CTNNA3: variants seen among roughly 807,000 people sequenced by gnomAD.
CTNNA3 encodes the protein catenin alpha 3.
A neutral mutation model predicts 95.7 loss-of-function variants in CTNNA3; 76 were observed. The observed-to-expected ratio is 0.79, with a 90% CI of 0.66 to 0.96. CTNNA3 has a LOEUF of 0.96. Ranked by LOEUF, CTNNA3 falls within the 40% of genes least tolerant of loss-of-function variation. The pLI is 0.00. For synonymous variants in CTNNA3, 431 were observed against 374.4 expected (o/e 1.15, Z -1.74); for missense variants, 1,191 against 1,089.8 (o/e 1.09, Z -1.31).
At chr10:66,502,746 C>T (rs1840319865) in intron 11 of CTNNA3, among the ~76,000 whole-genome samples, 1 of 151,992 alleles carries the variant, frequency 6.6e-6, no homozygotes, top group Non-Finnish European at 1.5e-5. Context: ...CTATAATGAT[C>T]ATACTTGTAC....
intron 7 of CTNNA3, among the ~76,000 whole-genome samples, chr10:66,834,211 G>T (rs139761634): frequency 9.5e-4 from 145 of 152,242 alleles, no homozygotes; most frequent in African/African-American, 3.3e-3. Flanking sequence ...ACAATTGTCA[G>T]GTTAGCTATT....
intron 7 of CTNNA3, among the ~76,000 whole-genome samples, chr10:66,808,597 C>A (rs1204146392): frequency 6.6e-6 from 1 of 152,134 alleles, no homozygotes; most frequent in East Asian, 1.9e-4. Flanking sequence ...TTCTGAAAAT[C>A]TCAAGTGAAA....
chr10:66,886,622 C>T (rs906726258), intron 7 of CTNNA3, among the ~76,000 whole-genome samples: 10 of 152,182 alleles, frequency 6.6e-5, no homozygotes, highest in African/African-American at 2.4e-4. Flanking sequence ...GTTCTGCCAA[C>T]ATCCTCAGCC....
intron 7 of CTNNA3, among the ~76,000 whole-genome samples, chr10:66,885,871 G>A (rs948694917): frequency 1.3e-5 from 2 of 152,100 alleles, no homozygotes; most frequent in African/African-American, 4.8e-5. Context: ...TTAAGAAAAT[G>A]AATTTATCAC....
At chr10:66,680,794 G>A (rs1259609288) in intron 9 of CTNNA3, among the ~76,000 whole-genome samples, 1 of 152,132 alleles carries the variant, frequency 6.6e-6, no homozygotes, top group Non-Finnish European at 1.5e-5. Flanking sequence ...TACGTAGCAT[G>A]AACAAAGCTA....
At chr10:66,268,859 C>T (rs1481874418) in intron 13 of CTNNA3, among the ~76,000 whole-genome samples, 1 of 152,124 alleles carries the variant, frequency 6.6e-6, no homozygotes, top group Non-Finnish European at 1.5e-5. Flanking sequence ...GACATGGAGG[C>T]CAGCTTATAC....
rs140871143 is a variant in CTNNA3 at position 66,007,026 on chromosome 10, C to T, written c.2160-18229G>A. Among the ~76,000 whole-genome samples the T allele has an allele frequency of 6.6e-5, 10 of 152,168 alleles. No homozygotes were observed. In the East Asian group the frequency reaches 1.9e-3, roughly 30 times the overall value. ...GCTGATCTTTGGCATGCCCCCCGCA[C>T]CCCCACCATTCTAGTCTAGTACAGC... On this transcript the variant is annotated intron_variant, in intron 15 of 17. Transcript: ENST00000433211.
In CTNNA3 at chr10:66,766,277, C is replaced by T. The variant is rs1261200629; in HGVS notation, c.1268G>A (p.Ser423Asn). Residue 423 changes from serine to asparagine, a missense_variant, in exon 9 of 18, where the codon AGC (serine) becomes AAC (asparagine). Transcript: ENST00000433211. Reference protein sequence around the residue: ...EYAAIFHEHTSRLVEVANLAC... With the variant: ...EYAAIFHEHTNRLVEVANLAC... ...TAGCATGCTTACCTCTACAAGCCTGCTGGTGTGTTCATGAAATATCGCAGC... is the reference window on the plus strand; with the variant it reads ...TAGCATGCTTACCTCTACAAGCCTGTTGGTGTGTTCATGAAATATCGCAGC... 1.2e-6 allele frequency: 2 copies of T among 1,613,782 alleles called. No homozygotes were observed. The highest frequency in any genetic ancestry group is 4.5e-5 in the East Asian group (2 of 44,844).
chr10:66,329,477 T>G (rs1335003815), intron 12 of CTNNA3, among the ~76,000 whole-genome samples: 1 of 151,804 alleles, frequency 6.6e-6, no homozygotes, highest in Admixed American at 6.6e-5. Flanking sequence ...CGCATAAAAT[T>G]AACTGTCACA....
chr10:67,315,923 A>G (rs1841030069), intron 5 of CTNNA3, among the ~76,000 whole-genome samples: 1 of 152,154 alleles, frequency 6.6e-6, no homozygotes, highest in South Asian at 2.1e-4. Context: ...TGTTCCTATG[A>G]CCATCACTAC....
At chr10:66,539,211 G>C (rs919577945) in intron 10 of CTNNA3, among the ~76,000 whole-genome samples, 2 of 152,110 alleles carry the variant, frequency 1.3e-5, no homozygotes, top group Non-Finnish European at 2.9e-5. Context: ...TTCCAAAGAG[G>C]CTTTATGTGG....
chr10:67,481,403 T>C (rs1057359402), intron 5 of CTNNA3, among the ~76,000 whole-genome samples: 2 of 152,170 alleles, frequency 1.3e-5, no homozygotes, highest in Non-Finnish European at 2.9e-5. Flanking sequence ...TAAAGGCTCC[T>C]GAAACAGATA....
chr10:66,629,339 C>T (rs147865017), intron 9 of CTNNA3, among the ~76,000 whole-genome samples: 61 of 152,146 alleles, frequency 4.0e-4, no homozygotes, highest in African/African-American at 1.3e-3. Flanking sequence ...AATACTCACT[C>T]TCTCATTCTC....
chr10:66,272,281 GT>G (rs1020185268), intron 13 of CTNNA3, among the ~76,000 whole-genome samples: 4 of 152,150 alleles, frequency 2.6e-5, no homozygotes, highest in Admixed American at 2.0e-4. Flanking sequence ...CATGAGTCCT[GT>G]GAGGTTGAAG....
chr10:65,941,044 C>A (rs1386756854), intron 17 of CTNNA3, among the ~76,000 whole-genome samples: 2 of 152,190 alleles, frequency 1.3e-5, no homozygotes, highest in Non-Finnish European at 2.9e-5. Flanking sequence ...CTTATCCTTT[C>A]CAAGACCACA....
intron 9 of CTNNA3, among the ~76,000 whole-genome samples, chr10:66,699,533 T>C (rs1394774580): frequency 1.3e-5 from 2 of 152,190 alleles, no homozygotes; most frequent in East Asian, 1.9e-4. Flanking sequence ...ATGTCTTGTT[T>C]AGAAAAATGT....
At chr10:66,829,854 T>TG (rs112492167) in intron 7 of CTNNA3, among the ~76,000 whole-genome samples, 6 of 148,366 alleles carry the variant, frequency 4.0e-5, no homozygotes, top group African/African-American at 1.5e-4. Flanking sequence ...CCCCAGGGGA[T>TG]TTGTTGTTGT....
intron 5 of CTNNA3, among the ~76,000 whole-genome samples, chr10:67,457,684 T>C (rs1816218247): frequency 6.6e-6 from 1 of 152,140 alleles, no homozygotes; most frequent in Non-Finnish European, 1.5e-5. Flanking sequence ...GCGTTCCTTC[T>C]GGAGGCTTTA....
intron 7 of CTNNA3, among the ~76,000 whole-genome samples, chr10:67,035,122 T>C (rs1313021125): frequency 6.6e-6 from 1 of 152,238 alleles, no homozygotes; most frequent in East Asian, 1.9e-4. Flanking sequence ...CTGTGCATAT[T>C]ACCTCTGCTA....
Sources: allele counts gnomAD v4.1 joint callset (sites outside exome capture counted in the v4.1 genomes callset), GRCh38; gene constraint gnomAD v4.1.1; transcripts MANE v1.5; gene names NCBI Gene and HGNC (gene_info 2026-07-23, HGNC 2026-07-21).